SDK2: variants seen among roughly 807,000 people sequenced by gnomAD.
SDK2 encodes the protein sidekick cell adhesion molecule 2.
A neutral mutation model predicts 253.9 loss-of-function variants in SDK2; 105 were observed. The ratio of observed to expected loss-of-function variants is 0.41; its 90% CI spans 0.35 to 0.49. The LOEUF (loss-of-function observed/expected upper bound fraction) is 0.49, where lower values mean the gene tolerates loss of function less well. SDK2 is among the 20% of genes least tolerant of loss of function. The probability of loss-of-function intolerance (pLI) is 0.06; values close to 1 mark genes in which losing one functional copy is unlikely to be tolerated. For missense variants in SDK2, 2,608 were observed against 3,003.0 expected, an observed-to-expected ratio of 0.87 and a Z score of 3.07; for synonymous variants, 1,249 against 1,234.9, an observed-to-expected ratio of 1.01 and a Z score of -0.24.
rs2062373774 is a variant in SDK2 at position 73,335,903 on chromosome 17, A to G, written c.*2684T>C. Reference sequence around the variant, plus strand: ...TGTGTAAGCACAGGCGTGCATGGGCACCATCCCGCATGTACACGTAGGTGT... The same window carrying G: ...TGTGTAAGCACAGGCGTGCATGGGCGCCATCCCGCATGTACACGTAGGTGT... On this transcript the variant is annotated 3_prime_UTR_variant, in exon 45 of 45. Coordinates refer to ENST00000392650, the MANE Select transcript of SDK2 (RefSeq NM_001144952.2). 2 of 152,372 alleles carry G rather than the reference A, an allele frequency of 1.3e-5. No individual in the cohort carries two copies. The highest frequency in any genetic ancestry group is 1.3e-4 in the Admixed American group (2 of 15,284). 9.4% of individuals were successfully genotyped at this position (152,372 alleles called of 1,614,324 possible). A position where few individuals can be genotyped will look rare whatever the true frequency, so the allele number is the denominator to read the frequency against.
Position 73,431,577 on chromosome 17 carries a change from C to T in SDK2, c.1405G>A (p.Asp469Asn), listed in dbSNP as rs776859124. 1 of 1,613,548 alleles carries T rather than the reference C, an allele frequency of 6.2e-7. No homozygotes were observed. ...GCCAGGCAGGTGTAGGTCCCCGCATCGGAGATGTGTGTGGGGCTGATGAGG... is the reference window on the plus strand; with the variant it reads ...GCCAGGCAGGTGTAGGTCCCCGCATTGGAGATGTGTGTGGGGCTGATGAGG... ...SLLISPTHISDAGTYTCLATN... is the reference protein window; with the variant it reads ...SLLISPTHISNAGTYTCLATN... Residue 469 changes from aspartate (D) to asparagine (N), a missense_variant, in exon 11 of 45, where the codon GAT (aspartate) becomes AAT (asparagine). Coordinates refer to ENST00000392650, the MANE Select transcript of SDK2 (RefSeq NM_001144952.2). The surrounding 1 kb of genome is among the most constrained non-coding windows in gnomAD (Gnocchi z 5.6).
At chr17:73,406,400 C>A (rs147444646) in intron 18 of SDK2, among the ~76,000 whole-genome samples, 2 of 152,022 alleles carry the variant, frequency 1.3e-5, no homozygotes. Context: ...CCTGCCATCA[C>A]GCCCAGCTAA....
rs1345196678 is a variant in SDK2, at chr17:73,394,342, T to C, written c.3593-18A>G. On this transcript the variant is annotated intron_variant, in intron 25 of 44. Transcript: ENST00000392650. Reference sequence around the variant, plus strand: ...AGAGGGAACTGTGGGGGAAAGGGAGTGGAGAGAAGGCACTCAGGACCCAAC... The same window carrying C: ...AGAGGGAACTGTGGGGGAAAGGGAGCGGAGAGAAGGCACTCAGGACCCAAC... 2 of 1,519,938 alleles carry C rather than the reference T, an allele frequency of 1.3e-6. No homozygotes were observed. The highest frequency in any genetic ancestry group is 1.8e-6 in the Non-Finnish European group (2 of 1,122,640). The allele number at this position is 1,519,938 out of a possible 1,614,324, so 94.2% of individuals were successfully genotyped here.
chr17:73,453,195 T>C (rs1170974814), intron 4 of SDK2, among the ~76,000 whole-genome samples: 1 of 152,146 alleles, frequency 6.6e-6, no homozygotes, highest in East Asian at 1.9e-4. Context: ...AAAGTGTATG[T>C]TCCTGTGCAG....
At chr17:73,518,798 C>T (rs1016900462) in intron 1 of SDK2, 10 of 152,248 alleles carry the variant, frequency 6.6e-5, no homozygotes, top group African/African-American at 2.2e-4. Context: ...GATGGTGTTA[C>T]ATGGACCACA....
intron 10 of SDK2, among the ~76,000 whole-genome samples, chr17:73,432,660 A>G (rs1188563799): frequency 7.6e-6 from 1 of 130,824 alleles, no homozygotes; most frequent in Non-Finnish European, 1.6e-5. Context: ...TGGGGAGTGA[A>G]GGAGGTAGGG....
chr17:73,610,931 C>T (rs531394698), intron 1 of SDK2, among the ~76,000 whole-genome samples: 2 of 152,120 alleles, frequency 1.3e-5, no homozygotes, highest in Non-Finnish European at 2.9e-5. Flanking sequence ...CTGTGCCCCC[C>T]ACCTCCCAGT....
At chr17:73,410,918 C>G (rs1015516787) in intron 18 of SDK2, among the ~76,000 whole-genome samples, 1 of 152,210 alleles carries the variant, frequency 6.6e-6, no homozygotes, top group Non-Finnish European at 1.5e-5. Context: ...CCTTCCTGGC[C>G]CTCGGGGGAG....
chr17:73,419,425 T>G, intron 15 of SDK2, 119 bp from the exon 16 acceptor site: 1 of 1,109,596 alleles, frequency 9.0e-7, no homozygotes. Flanking sequence ...AACTGCTGTG[T>G]GCATCTGGGC....
intron 17 of SDK2, 70 bp from the exon 18 acceptor site, chr17:73,414,829 G>A: frequency 1.0e-6 from 1 of 952,464 alleles, no homozygotes; most frequent in Non-Finnish European, 1.7e-6. Context: ...GTTCAGTAGA[G>A]AAAACGCAGG....
At chr17:73,556,091 G>A (rs1371655666) in intron 1 of SDK2, among the ~76,000 whole-genome samples, 1 of 152,124 alleles carries the variant, frequency 6.6e-6, no homozygotes, top group East Asian at 1.9e-4. Context: ...CAAAGTGATG[G>A]CACTCAGTGG....
intron 29 of SDK2, 117 bp downstream of exon 29, chr17:73,390,170 C>T (rs1373559534): frequency 1.1e-6 from 1 of 880,384 alleles, no homozygotes; most frequent in Non-Finnish European, 1.7e-6. Context: ...AGCCCACCTT[C>T]CATTCTCATC....
At chr17:73,522,883 C>T (rs912496075) in intron 1 of SDK2, among the ~76,000 whole-genome samples, 1 of 152,206 alleles carries the variant, frequency 6.6e-6, no homozygotes, top group African/African-American at 2.4e-5. Flanking sequence ...TGTCTCTGGT[C>T]CCCAGCTCCT....
At chr17:73,408,746 G>GA (rs760312879) in intron 18 of SDK2, among the ~76,000 whole-genome samples, 16 of 152,202 alleles carry the variant, frequency 1.1e-4, no homozygotes, top group African/African-American at 3.9e-4. Context: ...GAGAGAGAGA[G>GA]AAAGAATCTA....
chr17:73,594,763 GCACA>G (rs1399523788), intron 1 of SDK2, among the ~76,000 whole-genome samples: 8 of 151,852 alleles, frequency 5.3e-5, no homozygotes, highest in East Asian at 3.9e-4. Flanking sequence ...TAGCACATAT[GCACA>G]CACACAAATA....
rs1242400305 is a variant in SDK2, at chr17:73,612,986, C to T, written c.64+31039G>A. On this transcript the variant is annotated intron_variant, in intron 1 of 44. Coordinates refer to ENST00000392650, the MANE Select transcript of SDK2 (RefSeq NM_001144952.2). This position sits in a 1 kb window ranked among gnomAD's most constrained non-coding sequence, Gnocchi z 4.4. ...TACCAGATGTTTAGTATACACCAGGCTCTGTGCGACATGCTGTCTGATCTG... is the reference window on the plus strand; with the variant it reads ...TACCAGATGTTTAGTATACACCAGGTTCTGTGCGACATGCTGTCTGATCTG... Among the ~76,000 whole-genome samples, 5 of 152,150 alleles carry T rather than the reference C, an allele frequency of 3.3e-5. No individual in the cohort carries two copies. Among genetic ancestry groups the T allele is most frequent in the African/African-American group, 1.2e-4 (5 of 41,428 alleles).
chr17:73,628,925 C>T (rs977953229), intron 1 of SDK2, among the ~76,000 whole-genome samples: 1 of 152,190 alleles, frequency 6.6e-6, no homozygotes, highest in Non-Finnish European at 1.5e-5. Flanking sequence ...TGCCCAGACC[C>T]CCCTGGACGT....
chr17:73,562,941 A>G (rs778511121), intron 1 of SDK2, among the ~76,000 whole-genome samples: 5 of 152,214 alleles, frequency 3.3e-5, no homozygotes, highest in African/African-American at 1.2e-4. Context: ...GGCTGTGCTG[A>G]AGCTGGAATA....
chr17:73,380,039 A>G (rs2062817929), intron 34 of SDK2, among the ~76,000 whole-genome samples: 1 of 152,124 alleles, frequency 6.6e-6, no homozygotes, highest in Admixed American at 6.6e-5. Flanking sequence ...TGTTTCTGCC[A>G]AGTTTGAGGT....
Sources: gnomAD v4.1 joint callset for allele counts (sites outside exome capture counted in the v4.1 genomes callset) on GRCh38, gnomAD v4.1.1 for gene constraint, Gnocchi (gnomAD v3.1) non-coding constraint, MANE v1.5 for transcripts, NCBI Gene and HGNC (gene_info 2026-07-23, HGNC 2026-07-21) for gene names.